The following ZRSR2 variants were observed in gnomAD, a reference collection of about 807,000 sequenced individuals.
ZRSR2 encodes the protein U2 small nuclear ribonucleoprotein auxiliary factor 35 kDa subunit-related protein 2.
In ZRSR2, 3 loss-of-function variants were observed where a neutral mutation model predicts 39.4. The ratio of observed to expected loss-of-function variants is 0.08; its 90% CI spans 0.03 to 0.20. ZRSR2 has a LOEUF of 0.20. ZRSR2 is among the 10% of genes least tolerant of loss of function. The probability of loss-of-function intolerance (pLI) is 1.00; values close to 1 mark genes in which losing one functional copy is unlikely to be tolerated. For synonymous variants in ZRSR2, 137 were observed against 136.0 expected (o/e 1.01, Z -0.05); for missense variants, 256 against 391.5 (o/e 0.65, Z 2.92).
intron 9 of ZRSR2, among the ~76,000 whole-genome samples, chrX:15,819,575 T>A (rs1460202156): frequency 2.7e-5 from 3 of 110,591 alleles, no homozygotes; most frequent in African/African-American, 9.9e-5. Flanking sequence ...AGAGTAAGAC[T>A]CCATCTCAAA....
chrX:15,804,511 C>T (rs1025012429), intron 5 of ZRSR2, among the ~76,000 whole-genome samples: 1 of 111,560 alleles, frequency 9.0e-6, no homozygotes, highest in Non-Finnish European at 1.9e-5. Context: ...AAACATCCAA[C>T]TCTGCCAGTG....
At chrX:15,815,529 A>G (rs1230778638) in intron 7 of ZRSR2, 148 bp from the exon 8 acceptor site, 1 of 460,893 alleles carries the variant, frequency 2.2e-6, no homozygotes, top group Non-Finnish European at 3.7e-6. Context: ...CTGGTCTCGA[A>G]CTCTGGACCT....
chrX:15,795,138 T>G (rs1047395866), intron 2 of ZRSR2, among the ~76,000 whole-genome samples: 1 of 96,101 alleles, frequency 1.0e-5, no homozygotes, highest in African/African-American at 3.8e-5. Context: ...TGATTGGCTC[T>G]GTCTTAAGTC....
intron 3 of ZRSR2, among the ~76,000 whole-genome samples, chrX:15,802,660 T>C (rs1932708822): frequency 9.1e-6 from 1 of 109,649 alleles, no homozygotes; most frequent in Non-Finnish European, 1.9e-5. Flanking sequence ...GGGTTCACCA[T>C]GTTGGCCAGC....
At chrX:15,815,318 C>CGGA (rs1932948942) in intron 7 of ZRSR2, among the ~76,000 whole-genome samples, 2 of 112,436 alleles carry the variant, frequency 1.8e-5, no homozygotes, top group South Asian at 7.3e-4. Context: ...TTGTTTGAGA[C>CGGA]GGAGTTTCGC....
At chrX:15,814,476 T>G (rs907734291) in intron 7 of ZRSR2, among the ~76,000 whole-genome samples, 7 of 111,175 alleles carry the variant, frequency 6.3e-5, no homozygotes, top group African/African-American at 2.3e-4. Context: ...AAAAATAAAA[T>G]TATCCGGGTG....
intron 8 of ZRSR2, 65 bp downstream of exon 8, chrX:15,815,955 A>ATACG: frequency 1.0e-6 from 1 of 979,545 alleles, no homozygotes; most frequent in Non-Finnish European, 1.4e-6. Flanking sequence ...GGCACAAGAG[A>ATACG]GCTGGGACAC....
intron 7 of ZRSR2, among the ~76,000 whole-genome samples, chrX:15,810,438 C>T (rs1316241547): frequency 4.5e-5 from 5 of 111,470 alleles, no homozygotes; most frequent in Non-Finnish European, 7.5e-5. Flanking sequence ...TCCTATTAAT[C>T]CTGAAAAGGG....
chrX:15,804,215 A>G lies in ZRSR2; in HGVS notation c.399+18A>G. ...AAAAAGAGGTGATTCCTGTCATGGGATGTGCTGTGTGATGAGTTTGAAGAA... is the reference window on the plus strand; with the variant it reads ...AAAAAGAGGTGATTCCTGTCATGGGGTGTGCTGTGTGATGAGTTTGAAGAA... On this transcript the variant is annotated intron_variant, in intron 5 of 10. Coordinates refer to ENST00000307771, the MANE Select transcript of ZRSR2 (RefSeq NM_005089.4). The G allele has an allele frequency of 8.5e-7, 1 of 1,172,454 alleles. No individual in the cohort carries two copies. Among genetic ancestry groups the G allele is most frequent in the African/African-American group, 1.8e-5 (1 of 55,617 alleles).
At chrX:15,798,026 A>T (rs757162481) in intron 2 of ZRSR2, among the ~76,000 whole-genome samples, 5 of 112,372 alleles carry the variant, frequency 4.4e-5, no homozygotes. Flanking sequence ...TCATTTAATT[A>T]TCTGAACAAT....
At chrX:15,801,398 T>A (rs1321453216) in intron 3 of ZRSR2, 2 of 302,961 alleles carry the variant, frequency 6.6e-6, no homozygotes, top group Non-Finnish European at 1.3e-5. Flanking sequence ...CCAGTTAATT[T>A]TTTTTTGTAC....
At chrX:15,815,291 GT>G (rs944714638) in intron 7 of ZRSR2, among the ~76,000 whole-genome samples, 4 of 112,274 alleles carry the variant, frequency 3.6e-5, no homozygotes, top group African/African-American at 1.3e-4. Flanking sequence ...TAAAGCAAGT[GT>G]TTTTTTGTTT....
chrX:15,819,809 T>C (rs1386173553), intron 9 of ZRSR2, among the ~76,000 whole-genome samples: 2 of 111,773 alleles, frequency 1.8e-5, no homozygotes, highest in African/African-American at 6.5e-5. Context: ...GCAATTAATG[T>C]ATCATTTCTT....
At chrX:15,796,036 T>G (rs950537501) in intron 2 of ZRSR2, among the ~76,000 whole-genome samples, 4 of 104,913 alleles carry the variant, frequency 3.8e-5, no homozygotes, top group Non-Finnish European at 5.9e-5. Context: ...TTGTTTTTTG[T>G]TTTTTTTTTT....
intron 7 of ZRSR2, among the ~76,000 whole-genome samples, chrX:15,809,828 C>A (rs765805662): frequency 1.8e-5 from 2 of 109,831 alleles, no homozygotes; most frequent in East Asian, 2.8e-4. Context: ...AAAAAAAAAA[C>A]AAAACTTGGC....
Position 15,804,217 on chromosome X carries a change from G to A in ZRSR2, c.399+20G>A. The A allele has an allele frequency of 8.6e-7, 1 of 1,168,117 alleles. No individual in the cohort carries two copies. The highest frequency in any genetic ancestry group is 2.1e-5 in the South Asian group (1 of 48,620). On this transcript the variant is annotated intron_variant, in intron 5 of 10. Transcript: ENST00000307771. ...AAAGAGGTGATTCCTGTCATGGGATGTGCTGTGTGATGAGTTTGAAGAATA... is the reference window on the plus strand; with the variant it reads ...AAAGAGGTGATTCCTGTCATGGGATATGCTGTGTGATGAGTTTGAAGAATA...
intron 3 of ZRSR2, 150 bp from the exon 4 acceptor site, chrX:15,803,538 G>A (rs778296265): frequency 3.2e-5 from 22 of 696,237 alleles, no homozygotes; most frequent in Non-Finnish European, 4.1e-5. Context: ...TGCTCTTCTC[G>A]TTCTCTTACA....
At chrX:15,803,464 G>C (rs1932736880) in intron 3 of ZRSR2, among the ~76,000 whole-genome samples, 1 of 111,145 alleles carries the variant, frequency 9.0e-6, no homozygotes, top group Non-Finnish European at 1.9e-5. Context: ...AAATGTAAGA[G>C]AGATTTTAAG....
intron 3 of ZRSR2, among the ~76,000 whole-genome samples, chrX:15,802,054 C>T (rs1014456090): frequency 8.9e-6 from 1 of 111,857 alleles, no homozygotes; most frequent in Non-Finnish European, 1.9e-5. Context: ...ACTGAAACAT[C>T]TATATGGTAC....
Sources: gnomAD v4.1 joint callset for allele counts (sites outside exome capture counted in the v4.1 genomes callset) on GRCh38, gnomAD v4.1.1 for gene constraint, MANE v1.5 for transcripts, NCBI Gene and HGNC (gene_info 2026-07-23, HGNC 2026-07-21) for gene names.